Variants in LILRB2 observed in about 807,000 individuals in gnomAD.
LILRB2 encodes the protein leukocyte immunoglobulin-like receptor subfamily B member 2.
Under a neutral mutation model 72.7 loss-of-function variants are expected in LILRB2, and 47 were observed. That is an observed-to-expected ratio of 0.65 (90% CI 0.51 to 0.82). LILRB2 has a LOEUF of 0.82. Among genes scored for constraint, LILRB2 ranks in the 40% least tolerant of loss-of-function variants. The pLI is 0.00. For missense variants in LILRB2, 767 were observed against 764.8 expected (o/e 1.00, Z -0.03); for synonymous variants, 279 against 313.7 (o/e 0.89, Z 1.17).
intron 6 of LILRB2, 88 bp downstream of exon 6, chr19:54,278,724 C>G (rs558138109): frequency 1.9e-5 from 30 of 1,564,416 alleles, no homozygotes; most frequent in African/African-American, 2.7e-5. Flanking sequence ...GACCACCCCC[C>G]GCCTCATCCT....
intron 9 of LILRB2, chr19:54,277,155 C>T (rs1430552080): frequency 5.3e-6 from 8 of 1,505,586 alleles, no homozygotes; most frequent in Middle Eastern, 2.0e-4. Flanking sequence ...GGAAGGGAGC[C>T]TGGGAGTCTG....
rs1277178160 is a variant in LILRB2, at chr19:54,275,848, C to T, written c.1647+103G>A. The T allele has an allele frequency of 6.2e-6, 9 of 1,442,774 alleles. No homozygotes were observed. The East Asian group carries it at 6.9e-5, about 11-fold the overall frequency. The allele number at this position is 1,442,774 out of a possible 1,614,324, so 89.4% of individuals were successfully genotyped here. ...GCGTGCTGGACAAGGAGGGGTCCAC[C>T]GTGACGATGCTGAGAGCCGGGGGAA... On this transcript the variant is annotated intron_variant, in intron 13 of 13. Transcript: ENST00000314446.
rs1262309597 is a variant in LILRB2, at chr19:54,274,577, G to A, written c.*106C>T. 1.3e-6 allele frequency: 2 copies of A among 1,580,720 alleles called. No individual in the cohort carries two copies. Among genetic ancestry groups the A allele is most frequent in the Non-Finnish European group, 1.7e-6 (2 of 1,160,754 alleles). ...GCATCTCCTCATGGTCTTTGTTAGG[G>A]GTCCAGGCTGACTGGGGTTCATTGG... is the stretch of plus-strand genomic sequence containing the variant. On this transcript the variant is annotated 3_prime_UTR_variant, in exon 14 of 14. Transcript: ENST00000314446.
rs754528432 is a variant in LILRB2, at chr19:54,279,456, C to G, written c.547G>C (p.Val183Leu). ...ARGSSRAIFSVGPVSPNRRWS... is the reference protein window; with the variant it reads ...ARGSSRAIFSLGPVSPNRRWS... ...CTGCGATTCGGGCTCACGGGGCCCA[C>G]GGAGAAGATGGCGCGGGACGACCCA... Residue 183 changes from valine to leucine, a missense_variant, in exon 5 of 14, where the codon GTG becomes CTG. Around this residue, in one of 3 missense-constraint regions of LILRB2, gnomAD observed 599 missense variants for 568.2 expected, o/e 1.05. Transcript: ENST00000314446. The G allele has an allele frequency of 1.2e-6, 2 of 1,614,078 alleles. No homozygotes were observed. Among genetic ancestry groups the G allele is most frequent in the South Asian group, 2.2e-5 (2 of 91,088 alleles).
In LILRB2 at chr19:54,278,941, G is replaced by C; in HGVS notation, c.826C>G (p.Leu276Val). The C allele has an allele frequency of 1.2e-6, 2 of 1,614,174 alleles. No homozygotes were observed. Among genetic ancestry groups the C allele is most frequent in the Non-Finnish European group, 1.7e-6 (2 of 1,180,020 alleles). Reference protein sequence around the residue: ...QLPGRQPQAGLSQANFTLGPV... With the variant: ...QLPGRQPQAGVSQANFTLGPV... ...CCCAGGGTGAAGTTGGCCTGGGAGA[G>C]CCCAGCCTGGGGCTGCCGGCCAGGG... Residue 276 changes from leucine (L) to valine (V), a missense_variant, in exon 6 of 14, where the codon CTC becomes GTC. This residue lies in a region of LILRB2 where 599 missense variants were observed against 568.2 expected (regional missense o/e 1.05). Coordinates refer to ENST00000314446, the MANE Select transcript of LILRB2 (RefSeq NM_001080978.4).
Position 54,277,239 on chromosome 19 carries a change from C to T in LILRB2, c.1358-310G>A, listed in dbSNP as rs529457258. 5.6e-5 allele frequency: 86 copies of T among 1,535,266 alleles called. No individual in the cohort carries two copies. In the East Asian group the frequency reaches 5.6e-4, roughly 10 times the overall value. On this transcript the variant is annotated intron_variant, in intron 9 of 13. Coordinates refer to ENST00000314446, the MANE Select transcript of LILRB2 (RefSeq NM_001080978.4). ...GAAAGAGCCTTACCGTCCTGAACCA[C>T]GACTCTGCTCCCCTCCCCTGCCCCA...
In LILRB2 at chr19:54,278,463, T is replaced by A; in HGVS notation, c.1055A>T (p.His352Leu). 6.2e-7 allele frequency: 1 copy of A among 1,614,170 alleles called. No individual in the cohort carries two copies. The highest frequency in any genetic ancestry group is 8.5e-7 in the Non-Finnish European group (1 of 1,180,016). Residue 352 changes from histidine (H) to leucine (L), a missense_variant, in exon 7 of 14, where the codon CAC becomes CTC. His to Leu is a moderately conservative substitution (Grantham distance 99). This residue lies in a region of LILRB2 where 599 missense variants were observed against 568.2 expected (regional missense o/e 1.05). Transcript: ENST00000314446. ...TLLCQSWRQF[H>L]TFLLTKAGAA... ...TCCCGCCTTGGTCAGAAGGAAAGTGTGGAACTGCCGCCATGACTGACACAG... is the reference window on the plus strand; with the variant it reads ...TCCCGCCTTGGTCAGAAGGAAAGTGAGGAACTGCCGCCATGACTGACACAG...
Position 54,277,860 on chromosome 19 carries a change from C to T in LILRB2, c.1309+29G>A, listed in dbSNP as rs149137915. 7,848 of 1,535,208 alleles carry T rather than the reference C, an allele frequency of 5.1e-3. 261 individuals carry two copies. The South Asian group carries it at 0.066, about 13-fold the overall frequency. ...AGCTGCCCTGGGGGTCGCTGCGCTCCCTTCGAGCCAGAGGCCTCAGGGACT... is the reference window on the plus strand; with the variant it reads ...AGCTGCCCTGGGGGTCGCTGCGCTCTCTTCGAGCCAGAGGCCTCAGGGACT... On this transcript the variant is annotated intron_variant, in intron 8 of 13. Coordinates refer to ENST00000314446, the MANE Select transcript of LILRB2 (RefSeq NM_001080978.4).
At chr19:54,274,856 G>C (rs1336240211) in intron 13 of LILRB2, 27 bp from the exon 14 acceptor site, 1 of 1,611,466 alleles carries the variant, frequency 6.2e-7, no homozygotes, top group Non-Finnish European at 8.5e-7. Flanking sequence ...TGAGAGGTAA[G>C]GAACGTGGTG....
intron 9 of LILRB2, chr19:54,277,243 T>C (rs1221103248): frequency 3.3e-5 from 51 of 1,533,946 alleles, no homozygotes; most frequent in South Asian, 6.0e-5. Flanking sequence ...GAACCACGAC[T>C]CTGCTCCCCT....
rs2080241171 is a variant in LILRB2, at chr19:54,276,612, T to C, written c.1481-156A>G. On this transcript the variant is annotated intron_variant, in intron 10 of 13. Coordinates refer to ENST00000314446, the MANE Select transcript of LILRB2 (RefSeq NM_001080978.4). ...ACAGAGTCCGAAGGACACTTTACAT[T>C]TGTAGATGGGACTGAGCCCGGAGGA... 8.4e-6 allele frequency: 12 copies of C among 1,426,774 alleles called. 1 individual carries two copies. The Middle Eastern group carries it at 6.9e-4, about 81-fold the overall frequency. The allele number at this position is 1,426,774 out of a possible 1,614,324, so 88.4% of individuals were successfully genotyped here.
intron 1 of LILRB2, 24 bp from the exon 2 acceptor site, chr19:54,280,568 G>A: frequency 1.2e-6 from 2 of 1,611,776 alleles, no homozygotes; most frequent in Middle Eastern, 1.7e-4. Flanking sequence ...GACACACAGA[G>A]AGAAATAGCC....
intron 13 of LILRB2, 43 bp from the exon 14 acceptor site, chr19:54,274,872 G>C (rs371305315): frequency 3.0e-4 from 393 of 1,326,714 alleles, no homozygotes; most frequent in Admixed American, 6.2e-4. Context: ...TGGTGGGGGT[G>C]GGGGAGGCCT....
At chr19:54,277,484 T>G (rs1312430632) in intron 9 of LILRB2, 66 bp downstream of exon 9, 2 of 1,546,504 alleles carry the variant, frequency 1.3e-6, no homozygotes, top group Non-Finnish European at 1.8e-6. Context: ...AGCCTGAACC[T>G]AGGACAGAAC....
In LILRB2 at chr19:54,275,678, T is replaced by G. The variant is rs926801105; in HGVS notation, c.1647+273A>C. Reference sequence around the variant, plus strand: ...AGCCCAGGGGACCGGGGTGGTTCATTTATTCCTCATCCTCCAGAGGCCTGG... The same window carrying G: ...AGCCCAGGGGACCGGGGTGGTTCATGTATTCCTCATCCTCCAGAGGCCTGG... On this transcript the variant is annotated intron_variant, in intron 13 of 13. Transcript: ENST00000314446. The G allele has an allele frequency of 8.4e-6, 5 of 598,290 alleles. No homozygotes were observed. In the African/African-American group the frequency reaches 9.3e-5, roughly 11 times the overall value. The allele number at this position is 598,290 out of a possible 1,614,324, so 37.1% of individuals were successfully genotyped here.
Position 54,277,557 on chromosome 19 carries a change from G to C in LILRB2, c.1350C>G (p.Pro450=), listed in dbSNP as rs1484040801. ...TCAGAGCCCCTCACTCACCACTTTG[G>C]GGATCCGACCCAGTGGGGGTGAGGG... ...DQPLTPTGSD[P]QSGLGRHLGV... is the part of the protein sequence containing the mutation. Residue 450 remains proline (P), a synonymous_variant, in exon 9 of 14, where the codon CCC becomes CCG. Transcript: ENST00000314446. The C allele has an allele frequency of 1.3e-6, 2 of 1,575,134 alleles. No homozygotes were observed. The highest frequency in any genetic ancestry group is 3.7e-5 in the Admixed American group (2 of 54,736).
chr19:54,275,995 C>CG lies in LILRB2; in HGVS notation c.1602dup (p.Val535ArgfsTer7). ...CCATCTTCAGGCTGTGTGTCCTTCA[C>CG]GGCAGCATCTGCTGGGGCAGAGCAA... On this transcript the variant is annotated frameshift_variant, in exon 13 of 14. Transcript: ENST00000314446. LOFTEE classifies it high-confidence loss of function. The CG allele has an allele frequency of 6.2e-7, 1 of 1,614,118 alleles. No homozygotes were observed. The highest frequency in any genetic ancestry group is 8.5e-7 in the Non-Finnish European group (1 of 1,179,970).
chr19:54,278,885 G>C lies in LILRB2; in HGVS notation c.882C>G (p.Tyr294Ter). ...AGAGGTTGTGTGCACCGTAGCATCT[G>C]TACTGGCCCCCGTAGGAGCGGCTCA... ...GPVSRSYGGQ[Y>*]RCYGAHNLSS... The change falls in exon 6 of 14, where the codon TAC becomes TAG. Residue 294 changes from tyrosine to a stop codon, truncating the protein, a stop_gained. Transcript: ENST00000314446. LOFTEE classifies it high-confidence loss of function. 1.2e-6 allele frequency: 2 copies of C among 1,614,150 alleles called. No homozygotes were observed. Among genetic ancestry groups the C allele is most frequent in the Non-Finnish European group, 1.7e-6 (2 of 1,180,000 alleles).
intron 12 of LILRB2, 88 bp from the exon 13 acceptor site, chr19:54,276,091 G>T: frequency 1.3e-6 from 2 of 1,573,286 alleles, no homozygotes; most frequent in Non-Finnish European, 1.7e-6. Flanking sequence ...TCCCAGATGG[G>T]GCTACTGAGA....
Sources: gnomAD v4.1 joint callset for allele counts on GRCh38, gnomAD v4.1.1 for gene constraint, gnomAD v4.1.1 regional missense constraint, MANE v1.5 for transcripts, NCBI Gene and HGNC (gene_info 2026-07-23, HGNC 2026-07-21) for gene names.